Variants in RBM6 observed in about 807,000 individuals in gnomAD.
RBM6 encodes RNA-binding protein 6.
RBM6 carries 23 observed loss-of-function variants against 140.4 expected under a neutral mutation model. The observed-to-expected ratio is 0.16, with a 90% CI of 0.12 to 0.23. The LOEUF (loss-of-function observed/expected upper bound fraction) is 0.23. Ranked by LOEUF, RBM6 falls within the 10% of genes least tolerant of loss-of-function variation. The pLI is 1.00. For synonymous variants in RBM6, 439 were observed against 475.6 expected (o/e 0.92, Z 1.00); for missense variants, 1,139 against 1,386.7 (o/e 0.82, Z 2.84).
chr3:49,991,100 A>G (rs1296202742), intron 5 of RBM6, among the ~76,000 whole-genome samples: 3 of 152,206 alleles, frequency 2.0e-5, no homozygotes, highest in African/African-American at 4.8e-5. Context: ...CAGATTTGAT[A>G]ACTTTCTAAT....
intron 1 of RBM6, among the ~76,000 whole-genome samples, chr3:49,947,081 C>CAAAAAAAA (rs1186088231): frequency 1.9e-5 from 2 of 106,028 alleles, no homozygotes; most frequent in African/African-American, 6.6e-5. Context: ...ACTAAAAATA[C>CAAAAAAAA]AAAAAAAAAA....
At chr3:49,942,187 C>T (rs912786782) in intron 1 of RBM6, among the ~76,000 whole-genome samples, 3 of 151,798 alleles carry the variant, frequency 2.0e-5, no homozygotes, top group African/African-American at 7.3e-5. Flanking sequence ...GCTCTTTAAA[C>T]CATTGTTAAG....
At chr3:50,034,532 C>T (rs143050036) in intron 6 of RBM6, among the ~76,000 whole-genome samples, 11,523 of 152,020 alleles carry the variant, frequency 0.076, 664 homozygotes, top group Non-Finnish European at 0.12. Context: ...GAGGCCAAGG[C>T]GGCAGATCAC....
At chr3:49,999,566 T>TG in intron 6 of RBM6, 53 bp downstream of exon 6, 2 of 1,401,568 alleles carry the variant, frequency 1.4e-6, no homozygotes, top group Non-Finnish European at 2.0e-6. Flanking sequence ...TTTTTATATA[T>TG]GGGGAGGGAG....
In RBM6 at chr3:49,967,427, A is replaced by G. The variant is rs1422773240; in HGVS notation, c.45-43A>G. ...AGAATATGCTGGTGTGTAGATTTCA[A>G]ACTCTCTGGACAATATGAATAACAC... On this transcript the variant is annotated intron_variant, in intron 2 of 20. Transcript: ENST00000266022. The surrounding 1 kb of genome is among the most constrained non-coding windows in gnomAD (Gnocchi z 4.0). The G allele has an allele frequency of 2.6e-6, 4 of 1,515,890 alleles. No individual in the cohort carries two copies. The highest frequency in any genetic ancestry group is 2.4e-5 in the East Asian group (1 of 42,288). 93.9% of individuals were successfully genotyped at this position (1,515,890 alleles called of 1,614,324 possible).
intron 11 of RBM6, among the ~76,000 whole-genome samples, chr3:50,060,115 A>ATAACCACTGTACTCTACCC (rs1463199872): frequency 1.4e-4 from 22 of 152,114 alleles, no homozygotes; most frequent in Non-Finnish European, 2.9e-4. Flanking sequence ...ATGCCTGTGA[A>ATAACCACTGTACTCTACCC]TAACCACTGT....
At chr3:50,051,045 AAAAG>A (rs2089445280) in intron 7 of RBM6, among the ~76,000 whole-genome samples, 1 of 152,122 alleles carries the variant, frequency 6.6e-6, no homozygotes, top group Non-Finnish European at 1.5e-5. Flanking sequence ...TAAAGAAAAA[AAAAG>A]AGAGAGAGAG....
chr3:49,982,867 G>A (rs926001395), intron 5 of RBM6, among the ~76,000 whole-genome samples: 2 of 149,908 alleles, frequency 1.3e-5, no homozygotes, highest in Admixed American at 1.3e-4. Context: ...GCCTGCCATC[G>A]TGCCCAGCTA....
chr3:49,949,639 A>G (rs1027121163), intron 1 of RBM6, among the ~76,000 whole-genome samples: 2 of 151,958 alleles, frequency 1.3e-5, no homozygotes, highest in African/African-American at 4.8e-5. Context: ...TTGGCCTCCC[A>G]AAGTGCTGGG....
At chr3:49,942,492 A>G (rs2083329030) in intron 1 of RBM6, among the ~76,000 whole-genome samples, 1 of 135,744 alleles carries the variant, frequency 7.4e-6, no homozygotes, top group South Asian at 2.2e-4. Flanking sequence ...CCGAGACTCC[A>G]TCTCAAAAAA....
At chr3:50,040,517 C>A (rs917219432) in intron 6 of RBM6, among the ~76,000 whole-genome samples, 1 of 140,174 alleles carries the variant, frequency 7.1e-6, no homozygotes, top group African/African-American at 2.7e-5. Context: ...CACACACACA[C>A]GTGTGTATAT....
At position 50,022,060 on chromosome 3, in the gene RBM6, G is replaced by GA. The variant is rs539729046; in HGVS notation, c.1557+22555dup. On this transcript the variant is annotated intron_variant, in intron 6 of 20. Transcript: ENST00000266022. ...CAGAGTGAGCCCCTGTCTCAAAAAG[G>GA]AAAAAAAAGAAATCAGCATATTTTA... Among the ~76,000 whole-genome samples, 33 of 150,938 alleles carry GA rather than the reference G, an allele frequency of 2.2e-4. 1 individual carries two copies. In the South Asian group the frequency reaches 5.4e-3, roughly 25 times the overall value.
intron 5 of RBM6, among the ~76,000 whole-genome samples, chr3:49,999,110 T>C (rs1452868015): frequency 1.3e-5 from 2 of 151,790 alleles, no homozygotes; most frequent in East Asian, 1.9e-4. Flanking sequence ...TAGCCTGTGG[T>C]TAAAATGTTT....
At chr3:50,048,540 A>G (rs978004374) in intron 7 of RBM6, among the ~76,000 whole-genome samples, 3 of 152,134 alleles carry the variant, frequency 2.0e-5, no homozygotes, top group Non-Finnish European at 2.9e-5. Context: ...GCAATTGGAG[A>G]CACTTTCCCA....
chr3:49,958,431 G>C (rs1227443666), intron 1 of RBM6, among the ~76,000 whole-genome samples: 1 of 152,072 alleles, frequency 6.6e-6, no homozygotes, highest in African/African-American at 2.4e-5. Context: ...AAAACTATTA[G>C]CTGGCATTGC....
At chr3:49,969,525 C>T (rs2084684972) in intron 3 of RBM6, among the ~76,000 whole-genome samples, 1 of 145,634 alleles carries the variant, frequency 6.9e-6, no homozygotes, top group Non-Finnish European at 1.5e-5. Context: ...ATATATATTT[C>T]TTTTTTCTTT....
chr3:50,046,082 A>G (rs2089203876), intron 6 of RBM6, among the ~76,000 whole-genome samples: 1 of 151,886 alleles, frequency 6.6e-6, no homozygotes, highest in South Asian at 2.1e-4. Context: ...GGAGTTCGAG[A>G]CCAGCCTGAC....
chr3:50,006,045 G>A (rs1224560881), intron 6 of RBM6, among the ~76,000 whole-genome samples: 1 of 152,006 alleles, frequency 6.6e-6, no homozygotes, highest in Non-Finnish European at 1.5e-5. Context: ...TACACATTTT[G>A]GCTATTTATC....
At chr3:50,039,487 C>A (rs140040640) in intron 6 of RBM6, among the ~76,000 whole-genome samples, 3 of 130,708 alleles carry the variant, frequency 2.3e-5, no homozygotes, top group Non-Finnish European at 3.4e-5. Context: ...GATCCACCCC[C>A]CCCCCCCCCA....
Sources: allele counts gnomAD v4.1 joint callset (sites outside exome capture counted in the v4.1 genomes callset), GRCh38; gene constraint gnomAD v4.1.1; non-coding constraint Gnocchi (gnomAD v3.1); transcripts MANE v1.5; gene names NCBI Gene and HGNC (gene_info 2026-07-23, HGNC 2026-07-21).